Variants in RAB10 observed in about 807,000 individuals in gnomAD.
The protein encoded by RAB10 is RAB10, member RAS oncogene family.
Under a neutral mutation model 25.7 loss-of-function variants are expected in RAB10, and 5 were observed. The ratio of observed to expected loss-of-function variants is 0.19; its 90% CI spans 0.10 to 0.41. The LOEUF (loss-of-function observed/expected upper bound fraction) is 0.41. RAB10 is among the 10% of genes least tolerant of loss of function. The pLI, the probability that RAB10 is intolerant of heterozygous loss-of-function variation, is 1.00. For missense variants in RAB10, 103 were observed against 245.8 expected (o/e 0.42, Z 3.89); for synonymous variants, 89 against 86.4 (o/e 1.03, Z -0.16).
rs981404911 is a variant in RAB10, at chr2:26,128,046, G to A, written c.519+95G>A. 1.8e-5 allele frequency: 20 copies of A among 1,105,490 alleles called. No homozygotes were observed. In the African/African-American group the frequency reaches 2.5e-4, roughly 14 times the overall value. 68.5% of individuals were successfully genotyped at this position (1,105,490 alleles called of 1,614,324 possible). A position where few individuals can be genotyped will look rare whatever the true frequency, so the allele number is the denominator to read the frequency against. On this transcript the variant is annotated intron_variant, in intron 5 of 5. Coordinates refer to ENST00000264710, the MANE Select transcript of RAB10 (RefSeq NM_016131.5). ...TACTGGATTTACATACAGAATTTGA[G>A]TTTGGGTGGTATTGTTTCTGTAGGG...
intron 1 of RAB10, among the ~76,000 whole-genome samples, chr2:26,063,102 T>G (rs1574533895): frequency 7.8e-6 from 1 of 127,886 alleles, no homozygotes; most frequent in Non-Finnish European, 1.6e-5. Flanking sequence ...GCGACAAGAG[T>G]GAAACTCCAT....
At chr2:26,109,723 G>A (rs1262376535) in intron 2 of RAB10, 45 bp from the exon 3 acceptor site, 7 of 1,484,036 alleles carry the variant, frequency 4.7e-6, no homozygotes, top group Non-Finnish European at 6.3e-6. Flanking sequence ...GTGAAATGTA[G>A]TAATATCAAA....
At chr2:26,072,212 A>G (rs1266427325) in intron 1 of RAB10, among the ~76,000 whole-genome samples, 1 of 152,122 alleles carries the variant, frequency 6.6e-6, no homozygotes, top group African/African-American at 2.4e-5. Context: ...AGATCAAGAG[A>G]TTGAGACCAT....
At chr2:26,080,807 A>G (rs922519047) in intron 1 of RAB10, among the ~76,000 whole-genome samples, 7 of 152,300 alleles carry the variant, frequency 4.6e-5, no homozygotes, top group Admixed American at 3.3e-4. Flanking sequence ...TTTATTAATT[A>G]CCAAGTGGAA....
intron 3 of RAB10, among the ~76,000 whole-genome samples, chr2:26,117,937 C>T (rs1667726424): frequency 6.6e-6 from 1 of 152,156 alleles, no homozygotes; most frequent in Non-Finnish European, 1.5e-5. Flanking sequence ...CCTTAGGAAA[C>T]CCAAGTCTCA....
At chr2:26,035,736 C>T (rs1307368077) in intron 1 of RAB10, among the ~76,000 whole-genome samples, 1 of 152,082 alleles carries the variant, frequency 6.6e-6, no homozygotes, top group Non-Finnish European at 1.5e-5. Flanking sequence ...TTTAAATGTA[C>T]TTTTATATTG....
chr2:26,133,155 C>G (rs1170936738), intron 5 of RAB10, among the ~76,000 whole-genome samples: 1 of 152,104 alleles, frequency 6.6e-6, no homozygotes, highest in Non-Finnish European at 1.5e-5. Context: ...TCTTAGGCTA[C>G]TTGAGGTTTT....
intron 1 of RAB10, among the ~76,000 whole-genome samples, chr2:26,038,608 A>G (rs1489052103): frequency 6.6e-6 from 1 of 152,076 alleles, no homozygotes; most frequent in Non-Finnish European, 1.5e-5. Context: ...ACATACATGT[A>G]TTAGCTCTGT....
intron 1 of RAB10, among the ~76,000 whole-genome samples, chr2:26,090,630 T>C (rs183971902): frequency 2.7e-3 from 413 of 152,174 alleles, no homozygotes; most frequent in Non-Finnish European, 4.6e-3. Flanking sequence ...CTTTTTTTTT[T>C]CCCTTAATTG....
intron 1 of RAB10, among the ~76,000 whole-genome samples, chr2:26,050,368 TA>T (rs1434394574): frequency 6.6e-6 from 1 of 152,222 alleles, no homozygotes; most frequent in Non-Finnish European, 1.5e-5. Context: ...ATTTGTAGGA[TA>T]ATTATTTATT....
chr2:26,059,300 T>TG (rs1666347565), intron 1 of RAB10, among the ~76,000 whole-genome samples: 1 of 152,238 alleles, frequency 6.6e-6, no homozygotes, highest in African/African-American at 2.4e-5. Context: ...AATGTTTGAA[T>TG]AGTCCAGTAT....
chr2:26,133,751 G>A (rs1184947399), intron 5 of RAB10, among the ~76,000 whole-genome samples: 8 of 151,876 alleles, frequency 5.3e-5, no homozygotes, highest in Non-Finnish European at 1.5e-5. Context: ...TTGACTCACT[G>A]CAACCTCTGC....
chr2:26,119,265 G>A (rs1212878092), intron 3 of RAB10, among the ~76,000 whole-genome samples: 1 of 152,116 alleles, frequency 6.6e-6, no homozygotes, highest in Non-Finnish European at 1.5e-5. Context: ...ATTTTTTAAA[G>A]TCGGATATGG....
At chr2:26,038,812 C>G (rs1574522294) in intron 1 of RAB10, among the ~76,000 whole-genome samples, 1 of 150,956 alleles carries the variant, frequency 6.6e-6, no homozygotes, top group East Asian at 2.0e-4. Context: ...GTCCCAGCTG[C>G]TCGGGAGGCT....
chr2:26,099,033 G>A (rs1467381386), intron 2 of RAB10, among the ~76,000 whole-genome samples: 1 of 152,160 alleles, frequency 6.6e-6, no homozygotes. Context: ...AATAATATAT[G>A]CAAAGTTTTT....
At chr2:26,076,367 G>C (rs1280918559) in intron 1 of RAB10, among the ~76,000 whole-genome samples, 1 of 152,136 alleles carries the variant, frequency 6.6e-6, no homozygotes, top group Non-Finnish European at 1.5e-5. Flanking sequence ...CATTAAACTT[G>C]TATTTGCTTA....
At chr2:26,132,126 G>C (rs1265777938) in intron 5 of RAB10, among the ~76,000 whole-genome samples, 1 of 152,240 alleles carries the variant, frequency 6.6e-6, no homozygotes, top group Non-Finnish European at 1.5e-5. Context: ...TGCAGTATAT[G>C]AGAATATGTG....
In RAB10 at chr2:26,042,053, G is replaced by A. The variant is rs534597874; in HGVS notation, c.127+7318G>A. ...GCTCAGGAATGCGTTACTTATTAGT[G>A]ATGTGGGAATTACATGGATTTGTCC... On this transcript the variant is annotated intron_variant, in intron 1 of 5. Coordinates refer to ENST00000264710, the MANE Select transcript of RAB10 (RefSeq NM_016131.5). Among the ~76,000 whole-genome samples the A allele has an allele frequency of 2.0e-5, 3 of 152,312 alleles. No individual in the cohort carries two copies. In the East Asian group the frequency reaches 5.8e-4, roughly 29 times the overall value.
upstream of RAB10, among the ~76,000 whole-genome samples, chr2:26,033,804 A>AG (rs572277931): frequency 0.11 from 11,857 of 111,322 alleles, 486 homozygotes; most frequent in Non-Finnish European, 0.13. Context: ...CGGGGGTCGG[A>AG]GGGGGGGCGC....
Sources: allele counts gnomAD v4.1 joint callset (sites outside exome capture counted in the v4.1 genomes callset), GRCh38; gene constraint gnomAD v4.1.1; transcripts MANE v1.5; gene names NCBI Gene and HGNC (gene_info 2026-07-23, HGNC 2026-07-21).